The following SDK1 variants were observed in gnomAD, a reference collection of about 807,000 sequenced individuals.
SDK1 encodes the protein protein sidekick-1.
In SDK1, 157 loss-of-function variants were observed where a neutral mutation model predicts 245.5. That is an observed-to-expected ratio of 0.64 (90% CI 0.56 to 0.73). The LOEUF (loss-of-function observed/expected upper bound fraction) is 0.73. SDK1 is among the 30% of genes least tolerant of loss of function. The pLI is 0.00. For missense variants in SDK1, 3,583 were observed against 3,002.3 expected (o/e 1.19, Z -4.52); for synonymous variants, 1,647 against 1,278.5 (o/e 1.29, Z -6.15).
rs73312034 is a variant in SDK1 at position 3,867,320 on chromosome 7, G to C, written c.847+45737G>C. On this transcript the variant is annotated intron_variant, in intron 5 of 44. Coordinates refer to ENST00000404826, the MANE Select transcript of SDK1 (RefSeq NM_152744.4). ...TTTTCTCAAGCATGTGAAGAAACTA[G>C]AATTTGATTATTTTGGTGTGAAGGT... is the stretch of plus-strand genomic sequence containing the variant. Among the ~76,000 whole-genome samples, 1,440 of 152,282 alleles carry C rather than the reference G, an allele frequency of 9.5e-3. 20 individuals carry two copies. The highest frequency in any genetic ancestry group is 0.033 in the African/African-American group (1,376 of 41,550).
intron 4 of SDK1, among the ~76,000 whole-genome samples, chr7:3,693,248 T>C (rs575847748): frequency 1.3e-4 from 20 of 152,316 alleles, no homozygotes; most frequent in African/African-American, 4.8e-4. Flanking sequence ...TGTTCTTTTG[T>C]AAACCTGTTT....
At chr7:3,378,506 G>A (rs1781407200) in intron 1 of SDK1, among the ~76,000 whole-genome samples, 1 of 152,136 alleles carries the variant, frequency 6.6e-6, no homozygotes, top group Non-Finnish European at 1.5e-5. Context: ...GGTCAGGAGT[G>A]TACACATACA....
At chr7:3,948,676 C>A (rs898387557) in intron 5 of SDK1, among the ~76,000 whole-genome samples, 2 of 152,204 alleles carry the variant, frequency 1.3e-5, no homozygotes, top group African/African-American at 4.8e-5. Flanking sequence ...GCACTTGGCC[C>A]TGCGGGGCTG....
chr7:4,227,710 G>A (rs772885666), intron 40 of SDK1, among the ~76,000 whole-genome samples: 14 of 152,230 alleles, frequency 9.2e-5, no homozygotes, highest in African/African-American at 2.7e-4. Context: ...TTGGCATGAC[G>A]TCGGCCCTAA....
chr7:3,449,914 C>T (rs1780459887), intron 1 of SDK1, among the ~76,000 whole-genome samples: 1 of 152,194 alleles, frequency 6.6e-6, no homozygotes, highest in African/African-American at 2.4e-5. Context: ...TAACAATTAG[C>T]CACGTGTCCA....
intron 17 of SDK1, among the ~76,000 whole-genome samples, chr7:4,040,765 A>G (rs950290673): frequency 5.3e-5 from 8 of 152,158 alleles, no homozygotes; most frequent in African/African-American, 1.7e-4. Context: ...TATTATGCGG[A>G]TGGGTTATCT....
intron 1 of SDK1, among the ~76,000 whole-genome samples, chr7:3,566,438 G>C (rs1397505533): frequency 6.6e-6 from 1 of 151,914 alleles, no homozygotes; most frequent in Non-Finnish European, 1.5e-5. Context: ...TGTTAGCCAG[G>C]ATGGTCTCGA....
chr7:4,051,058 T>C (rs1333197921), intron 18 of SDK1, among the ~76,000 whole-genome samples: 1 of 141,266 alleles, frequency 7.1e-6, no homozygotes, highest in African/African-American at 2.6e-5. Context: ...ATACTATACA[T>C]ATATATGTTA....
intron 5 of SDK1, among the ~76,000 whole-genome samples, chr7:3,937,734 G>T (rs532753843): frequency 6.6e-6 from 1 of 152,242 alleles, no homozygotes; most frequent in Admixed American, 6.5e-5. Flanking sequence ...GCGTCCTGCA[G>T]GTTCCCATTG....
intron 5 of SDK1, among the ~76,000 whole-genome samples, chr7:3,937,784 T>A (rs1780211446): frequency 6.6e-6 from 1 of 152,222 alleles, no homozygotes; most frequent in Admixed American, 6.5e-5. Flanking sequence ...GTTGCCCTGA[T>A]GGGCTTGGGC....
At chr7:3,531,535 T>G (rs1479598767) in intron 1 of SDK1, among the ~76,000 whole-genome samples, 1 of 152,202 alleles carries the variant, frequency 6.6e-6, no homozygotes, top group African/African-American at 2.4e-5. Flanking sequence ...GTAGTTTGGT[T>G]AGAACATAGT....
At chr7:4,215,590 G>A (rs1235576916) in intron 38 of SDK1, among the ~76,000 whole-genome samples, 1 of 152,208 alleles carries the variant, frequency 6.6e-6, no homozygotes, top group Non-Finnish European at 1.5e-5. Context: ...GAGACTCAAT[G>A]TGTGACCGCA....
rs566991222 is a variant in SDK1, at chr7:4,103,822, T to A, written c.3325-6841T>A. Among the ~76,000 whole-genome samples, 7 of 152,294 alleles carry A rather than the reference T, an allele frequency of 4.6e-5. No individual in the cohort carries two copies. The East Asian group carries it at 9.7e-4, about 21-fold the overall frequency. ...GGAGGAGTCAGTGCCGTGGGGGTGG[T>A]GCGCTCCAGCAGGGCTTGCCACACT... On this transcript the variant is annotated intron_variant, in intron 22 of 44. Transcript: ENST00000404826.
chr7:3,528,855 C>G (rs185023957), intron 1 of SDK1, among the ~76,000 whole-genome samples: 39 of 152,168 alleles, frequency 2.6e-4, no homozygotes, highest in African/African-American at 9.2e-4. Context: ...TGAAAATGAG[C>G]CCCATTTGGG....
intron 4 of SDK1, among the ~76,000 whole-genome samples, chr7:3,805,250 T>C (rs1779212833): frequency 6.6e-6 from 1 of 152,250 alleles, no homozygotes; most frequent in Admixed American, 6.5e-5. Context: ...ACTTATTTAT[T>C]ACTTCAGTGA....
intron 35 of SDK1, among the ~76,000 whole-genome samples, chr7:4,198,075 C>T (rs914620502): frequency 6.7e-6 from 1 of 148,590 alleles, no homozygotes; most frequent in African/African-American, 2.5e-5. Context: ...CAGAGGGCTG[C>T]AGGACGTGGT....
chr7:3,692,582 T>C (rs1012081896), intron 4 of SDK1, among the ~76,000 whole-genome samples: 3 of 152,184 alleles, frequency 2.0e-5, no homozygotes, highest in Non-Finnish European at 2.9e-5. Context: ...TCAATTTTTG[T>C]GCTTATTTAA....
At chr7:4,170,345 G>A (rs187486897) in intron 32 of SDK1, among the ~76,000 whole-genome samples, 2 of 152,250 alleles carry the variant, frequency 1.3e-5, no homozygotes, top group Admixed American at 1.3e-4. Flanking sequence ...TACTCGGGAG[G>A]CTGAGGCAGG....
intron 35 of SDK1, among the ~76,000 whole-genome samples, chr7:4,196,533 C>A (rs1394092330): frequency 6.6e-6 from 1 of 152,196 alleles, no homozygotes; most frequent in East Asian, 1.9e-4. Flanking sequence ...CCTCCCTGCC[C>A]CTTGCTCTCC....
Sources: allele counts gnomAD v4.1 joint callset (sites outside exome capture counted in the v4.1 genomes callset), GRCh38; gene constraint gnomAD v4.1.1; transcripts MANE v1.5; gene names NCBI Gene and HGNC (gene_info 2026-07-23, HGNC 2026-07-21).